The following ASAP2 variants were observed in gnomAD, a reference collection of about 807,000 sequenced individuals.
ASAP2 encodes the protein arf-GAP with SH3 domain, ANK repeat and PH domain-containing protein 2.
In ASAP2, 45 loss-of-function variants were observed where a neutral mutation model predicts 131.4. That is an observed-to-expected ratio of 0.34 (90% CI 0.27 to 0.44). The LOEUF is 0.44. ASAP2 is among the 20% of genes least tolerant of loss of function. The pLI, the probability that ASAP2 is intolerant of heterozygous loss-of-function variation, is 1.00. For synonymous variants in ASAP2, 510 were observed against 503.0 expected, an observed-to-expected ratio of 1.01 and a Z score of -0.19; for missense variants, 1,011 against 1,297.0, an observed-to-expected ratio of 0.78 and a Z score of 3.39.
chr2:9,394,944 C>T (rs62118804), intron 24 of ASAP2, among the ~76,000 whole-genome samples: 16,522 of 152,250 alleles, frequency 0.11, 966 homozygotes, highest in African/African-American at 0.15. Flanking sequence ...CTGACGCTGC[C>T]TGTCAGCCAG....
intron 1 of ASAP2, among the ~76,000 whole-genome samples, chr2:9,215,461 T>C (rs2147952234): frequency 6.6e-6 from 1 of 152,340 alleles, no homozygotes; most frequent in African/African-American, 2.4e-5. Context: ...ATATTTCTAA[T>C]AAAGATAATG....
intron 16 of ASAP2, among the ~76,000 whole-genome samples, chr2:9,372,153 A>G (rs936360813): frequency 1.3e-5 from 2 of 152,154 alleles, no homozygotes; most frequent in African/African-American, 4.8e-5. Flanking sequence ...TGATTGTCCC[A>G]CAGTGATGAT....
chr2:9,344,949 C>G (rs926594135), intron 11 of ASAP2, 149 bp downstream of exon 11: 2 of 559,186 alleles, frequency 3.6e-6, no homozygotes, highest in African/African-American at 3.9e-5. Flanking sequence ...GAAACGCTTG[C>G]TGGCCTCCGT....
intron 6 of ASAP2, among the ~76,000 whole-genome samples, chr2:9,323,811 C>A (rs73148712): frequency 1.5e-3 from 236 of 152,318 alleles, no homozygotes; most frequent in African/African-American, 5.4e-3. Flanking sequence ...GCAGCCTCAG[C>A]CCTTCCCTTA....
At chr2:9,211,882 C>T (rs1452285916) in intron 1 of ASAP2, among the ~76,000 whole-genome samples, 1 of 152,250 alleles carries the variant, frequency 6.6e-6, no homozygotes, top group East Asian at 1.9e-4. Flanking sequence ...TTCAGAAGGA[C>T]ATCACCTTCT....
At chr2:9,219,679 T>A (rs188252266) in intron 1 of ASAP2, among the ~76,000 whole-genome samples, 200 of 151,950 alleles carry the variant, frequency 1.3e-3, no homozygotes, top group African/African-American at 4.3e-3. Context: ...GTTGCTTTTT[T>A]AAAAAAAAAT....
rs1172660637 is a variant in ASAP2 at position 9,397,750 on chromosome 2, ATTTTTTTTTT to A, written c.2685-2256_2685-2247del. Among the ~76,000 whole-genome samples, 36 of 44,804 alleles carry A rather than the reference ATTTTTTTTTT, an allele frequency of 8.0e-4. 1 individual carries two copies. Among genetic ancestry groups the A allele is most frequent in the African/African-American group, 5.1e-3 (30 of 5,902 alleles). The allele number at this position is 44,804 out of a possible 152,430, so 29.4% of individuals were successfully genotyped here. ...AGGATATATATATATATATATATAT[ATTTTTTTTTT>A]TTTTTTTTTTTTTTTTGAGACGGAG... On this transcript the variant is annotated intron_variant, in intron 24 of 27. Coordinates refer to ENST00000281419, the MANE Select transcript of ASAP2 (RefSeq NM_003887.3).
intron 1 of ASAP2, among the ~76,000 whole-genome samples, chr2:9,250,300 A>G (rs2666213): frequency 0.56 from 84,462 of 152,112 alleles, 25,275 homozygotes; most frequent in African/African-American, 0.8. Context: ...AATGGTATTT[A>G]ACCACAGACT....
Position 9,389,324 on chromosome 2 carries a change from G to A in ASAP2, c.2383+778G>A, listed in dbSNP as rs576122209. 4.6e-5 allele frequency among the ~76,000 whole-genome samples: 7 copies of A among 152,302 alleles called. No individual in the cohort carries two copies. The East Asian group carries it at 9.6e-4, about 21-fold the overall frequency. ...AAGGAGGCTGCTGAGACTTTGATGC[G>A]GGGCGGGGGGCCCAGGAAGGACAAG... On this transcript the variant is annotated intron_variant, in intron 22 of 27. Transcript: ENST00000281419. The surrounding 1 kb of genome is among the most constrained non-coding windows in gnomAD (Gnocchi z 4.7).
At chr2:9,391,340 G>A in intron 23 of ASAP2, 144 bp downstream of exon 23, 1 of 1,209,140 alleles carries the variant, frequency 8.3e-7, no homozygotes, top group Admixed American at 2.5e-5. Context: ...TCTTGTGCAG[G>A]GCTCTCAGCT....
At chr2:9,345,716 C>G (rs966768333) in intron 11 of ASAP2, among the ~76,000 whole-genome samples, 10 of 152,152 alleles carry the variant, frequency 6.6e-5, no homozygotes, top group African/African-American at 2.4e-4. Context: ...AACCGTCTTT[C>G]CTGCCCCTTG....
intron 16 of ASAP2, among the ~76,000 whole-genome samples, chr2:9,373,775 C>G (rs1293185234): frequency 1.3e-5 from 2 of 152,190 alleles, no homozygotes; most frequent in South Asian, 2.1e-4. Flanking sequence ...CTGATCTGCC[C>G]CTGCCTGGCT....
chr2:9,366,303 G>T (rs1673469149), intron 15 of ASAP2, among the ~76,000 whole-genome samples: 1 of 151,926 alleles, frequency 6.6e-6, no homozygotes, highest in Admixed American at 6.6e-5. Flanking sequence ...CGATTCCTGG[G>T]GAATTCTCCT....
At position 9,400,796 on chromosome 2, in the gene ASAP2, A is replaced by G; in HGVS notation, c.2789A>G (p.Gln930Arg). The G allele has an allele frequency of 6.2e-7, 1 of 1,613,692 alleles. No homozygotes were observed. The highest frequency in any genetic ancestry group is 8.5e-7 in the Non-Finnish European group (1 of 1,179,976). Residue 930 changes from glutamine (Q) to arginine (R), a missense_variant, in exon 26 of 28, where the codon CAG (glutamine) becomes CGG (arginine). Around this residue, in one of 2 missense-constraint regions of ASAP2, gnomAD observed 652 missense variants for 698.9 expected, o/e 0.93. Transcript: ENST00000281419. Reference protein sequence around the residue: ...LGPLSNAMVLQPPAPMPRKSQ... With the variant: ...LGPLSNAMVLRPPAPMPRKSQ... ...CCTCTGTCCAATGCTATGGTCCTGC[A>G]GCCCCCTGCACCCATGCCTAGGAAG... is the stretch of plus-strand genomic sequence containing the variant.
At chr2:9,298,589 G>T (rs1668293349) in intron 3 of ASAP2, among the ~76,000 whole-genome samples, 1 of 152,156 alleles carries the variant, frequency 6.6e-6, no homozygotes, top group Non-Finnish European at 1.5e-5. Flanking sequence ...TGGAGCCCTC[G>T]CCCTGCCTCA....
intron 1 of ASAP2, among the ~76,000 whole-genome samples, chr2:9,240,118 C>G (rs1332105701): frequency 6.6e-6 from 1 of 152,066 alleles, no homozygotes; most frequent in Non-Finnish European, 1.5e-5. Context: ...TATCTAAATA[C>G]TGAAGCCCCA....
chr2:9,360,524 CCGT>C lies in ASAP2; in HGVS notation c.1461+1637_1461+1639del, dbSNP rs1346355101. On this transcript the variant is annotated intron_variant, in intron 15 of 27. Coordinates refer to ENST00000281419, the MANE Select transcript of ASAP2 (RefSeq NM_003887.3). ...ACATCTCTACTGTCCTTCCCTATCA[CCGT>C]CCCCAACAAATGTTTAACAGTCAAC... Among the ~76,000 whole-genome samples the C allele has an allele frequency of 2.6e-5, 4 of 152,154 alleles. No individual in the cohort carries two copies. The South Asian group carries it at 6.2e-4, about 24-fold the overall frequency.
chr2:9,400,056 C>T lies in ASAP2; in HGVS notation c.2718C>T (p.Gly906=). Reference sequence around the variant, plus strand: ...AGTCCACCCCACTGACCAACAAAGGCCAACCGAGAGGACCTGGTAATTATT... The same window carrying T: ...AGTCCACCCCACTGACCAACAAAGGTCAACCGAGAGGACCTGGTAATTATT... ...ADKSTPLTNK[G]QPRGPVDLSA... The change falls in exon 25 of 28, where the codon GGC becomes GGT. Residue 906 remains glycine, a synonymous_variant. Coordinates refer to ENST00000281419, the MANE Select transcript of ASAP2 (RefSeq NM_003887.3). 1 of 1,613,358 alleles carries T rather than the reference C, an allele frequency of 6.2e-7. No individual in the cohort carries two copies. The highest frequency in any genetic ancestry group is 8.5e-7 in the Non-Finnish European group (1 of 1,179,704).
intron 1 of ASAP2, among the ~76,000 whole-genome samples, chr2:9,213,843 A>G (rs897576260): frequency 2.4e-4 from 37 of 152,310 alleles, no homozygotes; most frequent in African/African-American, 8.7e-4. Flanking sequence ...TAGTGTCAGA[A>G]TCCAGGCCAG....
Sources: allele counts gnomAD v4.1 joint callset (sites outside exome capture counted in the v4.1 genomes callset), GRCh38; gene constraint gnomAD v4.1.1; regional missense constraint gnomAD v4.1.1; non-coding constraint Gnocchi (gnomAD v3.1); transcripts MANE v1.5; gene names NCBI Gene and HGNC (gene_info 2026-07-23, HGNC 2026-07-21).